The following KLHL32 variants were observed in gnomAD, a reference collection of about 807,000 sequenced individuals.
KLHL32 encodes the protein kelch-like protein 32.
In KLHL32, 35 loss-of-function variants were observed where a neutral mutation model predicts 64.8. That is an observed-to-expected ratio of 0.54 (90% CI 0.41 to 0.72). The LOEUF (loss-of-function observed/expected upper bound fraction) is 0.72, where lower values mean the gene tolerates loss of function less well. Ranked by LOEUF, KLHL32 falls within the 30% of genes least tolerant of loss-of-function variation. The pLI, the probability that KLHL32 is intolerant of heterozygous loss-of-function variation, is 0.00. For synonymous variants in KLHL32, 259 were observed against 281.0 expected (o/e 0.92, Z 0.78); for missense variants, 589 against 768.5 (o/e 0.77, Z 2.76).
At chr6:97,051,646 A>T (rs1786926425) in intron 4 of KLHL32, among the ~76,000 whole-genome samples, 1 of 152,186 alleles carries the variant, frequency 6.6e-6, no homozygotes, top group Non-Finnish European at 1.5e-5. Flanking sequence ...CTTCTTGATC[A>T]TGTGAATTTC....
chr6:97,018,900 A>T, intron 3 of KLHL32, among the ~76,000 whole-genome samples: 1 of 152,242 alleles, frequency 6.6e-6, no homozygotes, highest in East Asian at 1.9e-4. Context: ...GAGATTTTTA[A>T]CATTCTTCTC....
chr6:96,906,356 A>G, the KLHL32 span, among the ~76,000 whole-genome samples: 1 of 152,168 alleles, frequency 6.6e-6, no homozygotes, highest in South Asian at 2.1e-4. Context: ...TGGAATGAAG[A>G]GGGATGGGTA....
intron 3 of KLHL32, among the ~76,000 whole-genome samples, chr6:96,987,269 T>C (rs1052720823): frequency 2.6e-5 from 4 of 152,184 alleles, no homozygotes; most frequent in Non-Finnish European, 4.4e-5. Flanking sequence ...ATGTGTTTGC[T>C]CTTGCTTCTC....
chr6:96,947,016 C>G (rs1475127325), intron 1 of KLHL32, among the ~76,000 whole-genome samples: 1 of 152,154 alleles, frequency 6.6e-6, no homozygotes, highest in Admixed American at 6.5e-5. Flanking sequence ...TGATTACTTT[C>G]TTGATTTAAA....
chr6:96,997,872 A>G (rs532429988), intron 3 of KLHL32, among the ~76,000 whole-genome samples: 37 of 152,334 alleles, frequency 2.4e-4, no homozygotes, highest in African/African-American at 8.7e-4. Context: ...GCTTGAAGGT[A>G]ACAGTACTGC....
intron 7 of KLHL32, among the ~76,000 whole-genome samples, chr6:97,121,689 G>A (rs146714646): frequency 1.1e-3 from 162 of 152,010 alleles, no homozygotes; most frequent in African/African-American, 3.4e-3. Context: ...CTCTTCTCAC[G>A]GAGAGAACCC....
chr6:97,109,751 A>G (rs1349456613), intron 6 of KLHL32, among the ~76,000 whole-genome samples: 1 of 152,252 alleles, frequency 6.6e-6, no homozygotes, highest in African/African-American at 2.4e-5. Context: ...AAAAGAGCCT[A>G]TGGAGACATG....
At chr6:96,974,684 A>T (rs1775504236) in intron 2 of KLHL32, among the ~76,000 whole-genome samples, 1 of 152,228 alleles carries the variant, frequency 6.6e-6, no homozygotes, top group Non-Finnish European at 1.5e-5. Context: ...TTTCACAGGA[A>T]GTATTTGGTT....
chr6:97,014,375 A>G (rs1780851185), intron 3 of KLHL32, among the ~76,000 whole-genome samples: 2 of 150,652 alleles, frequency 1.3e-5, no homozygotes, highest in African/African-American at 5.0e-5. Flanking sequence ...TTTGTTTTAT[A>G]GTATATATAA....
intron 1 of KLHL32, among the ~76,000 whole-genome samples, chr6:96,926,578 C>T (rs1188858634): frequency 6.6e-6 from 1 of 152,052 alleles, no homozygotes; most frequent in Non-Finnish European, 1.5e-5. Context: ...AGTCTCCTTG[C>T]CTTTAAAAAA....
chr6:97,140,521 TACA>T lies in KLHL32; in HGVS notation c.*1245_*1247del, dbSNP rs1302144251. On this transcript the variant is annotated 3_prime_UTR_variant, in exon 11 of 11. Coordinates refer to ENST00000369261, the MANE Select transcript of KLHL32 (RefSeq NM_052904.4). ...TGCTTTGTCTATAACAAAAAATAAA[TACA>T]ACAACTTAATAATCACATTTGAAAA... 4.6e-5 allele frequency: 7 copies of T among 152,192 alleles called. No homozygotes were observed. The South Asian group carries it at 1.0e-3, about 22-fold the overall frequency. The allele number at this position is 152,192 out of a possible 1,614,324, so 9.4% of individuals were successfully genotyped here.
At chr6:96,912,041 C>T in the KLHL32 span, among the ~76,000 whole-genome samples, 1 of 151,842 alleles carries the variant, frequency 6.6e-6, no homozygotes, top group South Asian at 2.1e-4. Context: ...AGATGTCTTC[C>T]CAGAAGTCCT....
intron 3 of KLHL32, among the ~76,000 whole-genome samples, chr6:97,025,681 G>A (rs557010352): frequency 7.6e-4 from 115 of 152,270 alleles, no homozygotes; most frequent in African/African-American, 2.7e-3. Flanking sequence ...ACTTGAGAGG[G>A]AGGCACCTGA....
chr6:97,125,486 C>T (rs1459872859), intron 7 of KLHL32, among the ~76,000 whole-genome samples: 1 of 152,218 alleles, frequency 6.6e-6, no homozygotes, highest in Non-Finnish European at 1.5e-5. Flanking sequence ...GATCAGAATA[C>T]AGTCTGAAAT....
intron 3 of KLHL32, among the ~76,000 whole-genome samples, chr6:97,016,443 C>T (rs375400415): frequency 6.6e-6 from 1 of 152,224 alleles, no homozygotes; most frequent in Admixed American, 6.5e-5. Context: ...GGATTTCAGA[C>T]TTGCATGGAA....
chr6:97,103,701 C>T (rs1015616504), intron 6 of KLHL32, among the ~76,000 whole-genome samples: 17 of 152,190 alleles, frequency 1.1e-4, no homozygotes, highest in African/African-American at 9.7e-5. Flanking sequence ...ATTGGCCCCA[C>T]GTGCATGTGC....
chr6:97,001,949 T>C (rs1248817407), intron 3 of KLHL32, among the ~76,000 whole-genome samples: 1 of 152,064 alleles, frequency 6.6e-6, no homozygotes, highest in Non-Finnish European at 1.5e-5. Flanking sequence ...TGAGTGTGAG[T>C]TCTCCAAAGA....
intron 5 of KLHL32, among the ~76,000 whole-genome samples, chr6:97,074,876 A>AT (rs1405552592): frequency 6.6e-6 from 1 of 151,100 alleles, no homozygotes; most frequent in Non-Finnish European, 1.5e-5. Context: ...AAATATATAT[A>AT]TATATTAATT....
At chr6:96,907,062 A>T in the KLHL32 span, among the ~76,000 whole-genome samples, 1 of 149,010 alleles carries the variant, frequency 6.7e-6, no homozygotes, top group Non-Finnish European at 1.5e-5. Flanking sequence ...AAGTGGTCTT[A>T]ATATATTTAC....
Sources: gnomAD v4.1 joint callset for allele counts (sites outside exome capture counted in the v4.1 genomes callset) on GRCh38, gnomAD v4.1.1 for gene constraint, MANE v1.5 for transcripts, NCBI Gene and HGNC (gene_info 2026-07-23, HGNC 2026-07-21) for gene names.